Variants in CLMP observed in about 807,000 individuals in gnomAD.
CLMP encodes CXADR like cell adhesion molecule.
In CLMP, 27 loss-of-function variants were observed where a neutral mutation model predicts 45.2. The observed-to-expected ratio is 0.60, with a 90% CI of 0.44 to 0.82. The LOEUF is 0.82. Among genes scored for constraint, CLMP ranks in the 40% least tolerant of loss-of-function variants. The pLI is 0.00. For missense variants in CLMP, 403 were observed against 448.4 expected, an observed-to-expected ratio of 0.90 and a Z score of 0.91; for synonymous variants, 167 against 171.4, an observed-to-expected ratio of 0.97 and a Z score of 0.20.
rs1242151160 is a variant in CLMP at position 123,150,524 on chromosome 11, G to GC, written c.28+44388_28+44389insG. Among the ~76,000 whole-genome samples, 225 of 126,752 alleles carry GC rather than the reference G, an allele frequency of 1.8e-3. 2 individuals are homozygous for GC. Among genetic ancestry groups the GC allele is most frequent in the South Asian group, 9.6e-3 (30 of 3,110 alleles). 83.2% of individuals were successfully genotyped at this position (126,752 alleles called of 152,430 possible). ...GGAAGGAAGGAAGGAAGGAAGGAAGGAAGGAAAGAAACAAGCAAGGAAGGA... is the reference window on the plus strand; with the variant it reads ...GGAAGGAAGGAAGGAAGGAAGGAAGGCAAGGAAAGAAACAAGCAAGGAAGGA... On this transcript the variant is annotated intron_variant, in intron 1 of 6. Coordinates refer to ENST00000448775, the MANE Select transcript of CLMP (RefSeq NM_024769.5).
At position 123,084,459 on chromosome 11, in the gene CLMP, C is replaced by G; in HGVS notation, c.388+53G>C. The G allele has an allele frequency of 7.5e-6, 11 of 1,468,990 alleles. No homozygotes were observed. The South Asian group carries it at 1.3e-4, about 17-fold the overall frequency. The allele number at this position is 1,468,990 out of a possible 1,614,324, so 91.0% of individuals were successfully genotyped here. A position where few individuals can be genotyped will look rare whatever the true frequency, so the allele number is the denominator to read the frequency against. ...CACCGTGATGCATATGGCTATCCCT[C>G]TTAGATACCTTAGAAATAAGCTGTA... On this transcript the variant is annotated intron_variant, in intron 3 of 6. Transcript: ENST00000448775.
At chr11:123,171,882 G>A (rs1591486136) in intron 1 of CLMP, among the ~76,000 whole-genome samples, 1 of 152,220 alleles carries the variant, frequency 6.6e-6, no homozygotes. Context: ...TGGATAATAA[G>A]GACAAAAATA....
intron 1 of CLMP, among the ~76,000 whole-genome samples, chr11:123,122,666 A>T (rs915593659): frequency 1.3e-5 from 2 of 152,244 alleles, no homozygotes; most frequent in African/African-American, 4.8e-5. Flanking sequence ...AAGGTAGCAG[A>T]GAAACGTGAA....
chr11:123,142,621 CTT>C (rs71057336), intron 1 of CLMP, among the ~76,000 whole-genome samples: 17 of 123,200 alleles, frequency 1.4e-4, no homozygotes, highest in Non-Finnish European at 1.1e-4. Context: ...GATGAGGTTT[CTT>C]TTTTTTTTTT....
chr11:123,074,918 A>G, intron 5 of CLMP, 75 bp from the exon 6 acceptor site: 3 of 1,523,016 alleles, frequency 2.0e-6, no homozygotes, highest in Non-Finnish European at 2.7e-6. Flanking sequence ...CAAAAAACAT[A>G]AGCTCTGGAC....
At position 123,178,781 on chromosome 11, in the gene CLMP, G is replaced by A. The variant is rs150737114; in HGVS notation, c.28+16132C>T. On this transcript the variant is annotated intron_variant, in intron 1 of 6. Coordinates refer to ENST00000448775, the MANE Select transcript of CLMP (RefSeq NM_024769.5). ...TGTGGCTGTGGTGTCTTAGGACATGGCCTCTGAAGCTTACAGGGCCTCTAT... is the reference window on the plus strand; with the variant it reads ...TGTGGCTGTGGTGTCTTAGGACATGACCTCTGAAGCTTACAGGGCCTCTAT... 4.4e-3 allele frequency among the ~76,000 whole-genome samples: 676 copies of A among 152,244 alleles called. 5 individuals are homozygous for A. Among genetic ancestry groups the A allele is most frequent in the African/African-American group, 0.015 (640 of 41,552 alleles).
At chr11:123,156,819 A>C (rs1861421513) in intron 1 of CLMP, among the ~76,000 whole-genome samples, 1 of 152,230 alleles carries the variant, frequency 6.6e-6, no homozygotes, top group South Asian at 2.1e-4. Context: ...CCCCAGCAGC[A>C]GTGCACATGG....
At chr11:123,082,135 GA>G (rs1865812843) in intron 5 of CLMP, among the ~76,000 whole-genome samples, 1 of 152,236 alleles carries the variant, frequency 6.6e-6, no homozygotes, top group Non-Finnish European at 1.5e-5. Context: ...ACACTCTGTG[GA>G]GGGGAGAAAT....
At chr11:123,150,480 AAAGGAAGGAAGGAAGGAAGGAAGG>A (rs71057397) in intron 1 of CLMP, among the ~76,000 whole-genome samples, 12 of 40,962 alleles carry the variant, frequency 2.9e-4, no homozygotes, top group African/African-American at 1.1e-3. Flanking sequence ...AGAAAGAAAG[AAAGGAAGGAAGGAAGGAAGGAAGG>A]AAGGAAGGAA....
intron 2 of CLMP, among the ~76,000 whole-genome samples, chr11:123,091,105 T>G (rs1486145400): frequency 6.6e-6 from 1 of 151,974 alleles, no homozygotes; most frequent in Non-Finnish European, 1.5e-5. Context: ...CTTTCTTTGT[T>G]TCCTTTCTTT....
At chr11:123,119,059 CT>C (rs1860773278) in intron 1 of CLMP, among the ~76,000 whole-genome samples, 1 of 53,876 alleles carries the variant, frequency 1.9e-5, no homozygotes, top group Non-Finnish European at 3.2e-5. Flanking sequence ...CTCCCTCTCT[CT>C]CTCTCTCTCT....
chr11:123,116,194 C>G (rs894136218), intron 1 of CLMP, among the ~76,000 whole-genome samples: 1 of 151,778 alleles, frequency 6.6e-6, no homozygotes, highest in African/African-American at 2.4e-5. Flanking sequence ...TAATTCCAGC[C>G]CACACTCAAG....
At chr11:123,134,578 G>T (rs142042101) in intron 1 of CLMP, among the ~76,000 whole-genome samples, 2,633 of 151,586 alleles carry the variant, frequency 0.017, 87 homozygotes, top group African/African-American at 0.06. Context: ...AGGCTGAGGC[G>T]GGGGTGGGGG....
Position 123,135,259 on chromosome 11 carries a change from C to CAAAAAA in CLMP, c.29-37313_29-37308dup, listed in dbSNP as rs529613516. On this transcript the variant is annotated intron_variant, in intron 1 of 6. Coordinates refer to ENST00000448775, the MANE Select transcript of CLMP (RefSeq NM_024769.5). ...TGGGTGATAGAAAAAGACTCCGTCTCAAAAAAAAAAAAAAAACCTGAGAAA... is the reference window on the plus strand; with the variant it reads ...TGGGTGATAGAAAAAGACTCCGTCTCAAAAAAAAAAAAAAAAAAAAAACCTGAGAAA... Among the ~76,000 whole-genome samples the CAAAAAA allele has an allele frequency of 1.8e-3, 158 of 88,974 alleles. 3 individuals carry two copies. Among genetic ancestry groups the CAAAAAA allele is most frequent in the Middle Eastern group, 7.1e-3 (1 of 140 alleles). 58.4% of individuals were successfully genotyped at this position (88,974 alleles called of 152,430 possible).
chr11:123,176,089 T>G (rs1861695867), intron 1 of CLMP, among the ~76,000 whole-genome samples: 1 of 152,224 alleles, frequency 6.6e-6, no homozygotes, highest in Non-Finnish European at 1.5e-5. Context: ...TAGTGTCTAG[T>G]GTACATTTAG....
chr11:123,080,984 A>G (rs1591449530), intron 5 of CLMP, among the ~76,000 whole-genome samples: 1 of 151,978 alleles, frequency 6.6e-6, no homozygotes, highest in Non-Finnish European at 1.5e-5. Context: ...CTCTACTACT[A>G]AAAATACAAG....
In CLMP at chr11:123,176,737, C is replaced by T. The variant is rs111428318; in HGVS notation, c.28+18176G>A. Among the ~76,000 whole-genome samples the T allele has an allele frequency of 7.1e-4, 108 of 152,284 alleles. 1 individual carries two copies. The highest frequency in any genetic ancestry group is 2.6e-3 in the African/African-American group (107 of 41,558). On this transcript the variant is annotated intron_variant, in intron 1 of 6. Transcript: ENST00000448775. ...GAGTTAACAGTGCATGTGAAGGAGA[C>T]AGTGTATGCATCTCCCTGGTTCTAT... is the stretch of plus-strand genomic sequence containing the variant.
intron 1 of CLMP, among the ~76,000 whole-genome samples, chr11:123,137,641 G>C (rs12283343): frequency 0.23 from 34,817 of 151,854 alleles, 4,085 homozygotes; most frequent in Middle Eastern, 0.26. Context: ...GTCGCCTGGG[G>C]CTGCCCTGAT....
At chr11:123,098,972 C>T (rs952348102) in intron 1 of CLMP, among the ~76,000 whole-genome samples, 2 of 152,062 alleles carry the variant, frequency 1.3e-5, no homozygotes, top group Non-Finnish European at 1.5e-5. Context: ...GGATTGCAGG[C>T]GTGAGCCACC....
Sources: allele counts gnomAD v4.1 joint callset (sites outside exome capture counted in the v4.1 genomes callset), GRCh38; gene constraint gnomAD v4.1.1; transcripts MANE v1.5; gene names NCBI Gene and HGNC (gene_info 2026-07-23, HGNC 2026-07-21).